The following ENDOV variants were observed in gnomAD, a reference collection of about 807,000 sequenced individuals.
The protein encoded by ENDOV is hEndoV.
Under a neutral mutation model 39.4 loss-of-function variants are expected in ENDOV, and 37 were observed. That is an observed-to-expected ratio of 0.94 (90% CI 0.72 to 1.23). The LOEUF is 1.23. ENDOV is among the 50% of genes most tolerant of loss of function. The pLI is 0.00. For synonymous variants in ENDOV, 186 were observed against 163.4 expected (o/e 1.14, Z -1.05); for missense variants, 441 against 375.7 (o/e 1.17, Z -1.44).
intron 2 of ENDOV, chr17:80,419,665 C>T (rs1321771392): frequency 2.8e-6 from 2 of 702,784 alleles, no homozygotes; most frequent in East Asian, 5.4e-5. Context: ...AAACAGCTGC[C>T]TGCTCCTTGA....
chr17:80,426,511 T>C (rs1002622498), intron 7 of ENDOV, among the ~76,000 whole-genome samples: 19 of 151,408 alleles, frequency 1.3e-4, no homozygotes, highest in African/African-American at 4.6e-4. Context: ...ATTAGCCAAG[T>C]GTGGTGGTGC....
At chr17:80,417,927 C>G (rs1156433456) in intron 2 of ENDOV, 1 of 152,242 alleles carries the variant, frequency 6.6e-6, no homozygotes, top group Non-Finnish European at 1.5e-5. Context: ...TCGCATTGCT[C>G]CTCTGCTGAC....
chr17:80,432,925 A>C (rs2145142898), intron 9 of ENDOV, among the ~76,000 whole-genome samples: 1 of 152,124 alleles, frequency 6.6e-6, no homozygotes, highest in East Asian at 1.9e-4. Context: ...TCCTGAGTCA[A>C]AGGGCTCCAC....
At position 80,415,185 on chromosome 17, in the gene ENDOV, G is replaced by A. The variant is rs2080905361; in HGVS notation, c.-10G>A. ...AAGTGACGTGCGGAAGGGGTGCCCG[G>A]GACGAAGCCATGGCCCTGGAGGCGG... On this transcript the variant is annotated 5_prime_UTR_variant, in exon 1 of 10. Coordinates refer to ENST00000518137, the MANE Select transcript of ENDOV (RefSeq NM_173627.5). 2 of 1,612,850 alleles carry A rather than the reference G, an allele frequency of 1.2e-6. No individual in the cohort carries two copies. The highest frequency in any genetic ancestry group is 1.1e-5 in the South Asian group (1 of 90,920).
At chr17:80,429,221 C>T (rs748977579) in intron 8 of ENDOV, among the ~76,000 whole-genome samples, 15 of 152,196 alleles carry the variant, frequency 9.9e-5, no homozygotes, top group Admixed American at 2.6e-4. Context: ...CTGCTAGCAA[C>T]CTTGATGTGA....
intron 8 of ENDOV, among the ~76,000 whole-genome samples, chr17:80,428,883 C>G (rs2083060495): frequency 1.3e-5 from 2 of 152,216 alleles, no homozygotes; most frequent in Admixed American, 6.5e-5. Context: ...ACCACTGCCT[C>G]CACGCAAAGC....
intron 2 of ENDOV, among the ~76,000 whole-genome samples, chr17:80,421,218 CCTT>C (rs1314722831): frequency 1.1e-4 from 14 of 132,856 alleles, no homozygotes; most frequent in African/African-American, 2.7e-4. Flanking sequence ...TCCAGGGAAT[CCTT>C]CTACAGTCTA....
intron 6 of ENDOV, 84 bp downstream of exon 6, chr17:80,425,184 G>A (rs1465456494): frequency 4.1e-6 from 5 of 1,210,680 alleles, no homozygotes; most frequent in Middle Eastern, 2.3e-4. Context: ...GCAGACACGC[G>A]TGCACTCACA....
intron 9 of ENDOV, among the ~76,000 whole-genome samples, chr17:80,435,693 C>G (rs2083552382): frequency 6.6e-6 from 1 of 152,106 alleles, no homozygotes; most frequent in Admixed American, 6.5e-5. Context: ...CGGCTCACTG[C>G]AAGCTCCGCC....
Position 80,423,607 on chromosome 17 carries a change from A to G in ENDOV, c.491A>G (p.Glu164Gly). ...AKKLLQVDGL[E>G]NNALHKEKIR... is the part of the protein sequence containing the mutation. ...AAACTTCTGCAGGTGGATGGGCTGG[A>G]GAACAACGCCCTGCACAAGGAGAAG... is the stretch of plus-strand genomic sequence containing the variant. The change falls in exon 5 of 10, where the codon GAG (glutamate) becomes GGG (glycine). Residue 164 changes from glutamate (E) to glycine (G), a missense_variant. Glu to Gly is a moderately conservative substitution (Grantham distance 98). Transcript: ENST00000518137. The G allele has an allele frequency of 6.4e-7, 1 of 1,553,702 alleles. No individual in the cohort carries two copies. Among genetic ancestry groups the G allele is most frequent in the African/African-American group, 1.4e-5 (1 of 73,266 alleles).
chr17:80,421,637 C>T (rs376088831), intron 2 of ENDOV, among the ~76,000 whole-genome samples, 191 bp from the exon 3 acceptor site: 1 of 152,244 alleles, frequency 6.6e-6, no homozygotes, highest in East Asian at 1.9e-4. Context: ...ACCTGCCCAC[C>T]ACCAATTTGC....
At chr17:80,430,259 G>A (rs2083244602) in intron 9 of ENDOV, 2 of 1,478,056 alleles carry the variant, frequency 1.4e-6, no homozygotes, top group Non-Finnish European at 1.8e-6. Context: ...CGACGAAGGG[G>A]ACTCGGAGCT....
chr17:80,424,990 A>G, intron 5 of ENDOV, 42 bp from the exon 6 acceptor site: 4 of 1,550,242 alleles, frequency 2.6e-6, no homozygotes, highest in Non-Finnish European at 2.7e-6. Flanking sequence ...CTTCACCAAG[A>G]AGAGAGGGGT....
intron 3 of ENDOV, 92 bp downstream of exon 3, chr17:80,422,054 GGAGA>G: frequency 1.3e-6 from 2 of 1,564,950 alleles, no homozygotes; most frequent in African/African-American, 1.3e-5. Context: ...ACAGTGGCAG[GGAGA>G]GACTCATGAG....
rs1423150047 is a variant in ENDOV, at chr17:80,436,313, C to G, written c.*170C>G. ...CACACGTCCTCGTCTCGTTCCTGAT[C>G]GAACGTGGTGGTGAGAGCACACGTC... On this transcript the variant is annotated 3_prime_UTR_variant, in exon 10 of 10. Transcript: ENST00000518137. The G allele has an allele frequency of 8.4e-6, 13 of 1,550,980 alleles. No homozygotes were observed. Among genetic ancestry groups the G allele is most frequent in the Non-Finnish European group, 1.0e-5 (12 of 1,150,984 alleles).
intron 2 of ENDOV, chr17:80,416,065 C>A: frequency 2.5e-6 from 1 of 400,796 alleles, no homozygotes; most frequent in Non-Finnish European, 4.5e-6. Context: ...TGGAGAAACC[C>A]GGTCTCTACT....
intron 7 of ENDOV, chr17:80,427,323 G>C (rs2082823174): frequency 1.5e-6 from 1 of 655,522 alleles, no homozygotes; most frequent in South Asian, 6.8e-5. Context: ...TCGTGCTGCT[G>C]CTGCAGACAG....
At chr17:80,428,423 C>G in intron 7 of ENDOV, 173 bp from the exon 8 acceptor site, 1 of 645,854 alleles carries the variant, frequency 1.5e-6, no homozygotes, top group Non-Finnish European at 2.7e-6. Context: ...CCCAGGCATG[C>G]CTGTCCCACA....
At chr17:80,415,483 C>G (rs1599262998) in intron 1 of ENDOV, 167 bp from the exon 2 acceptor site, 1 of 1,081,364 alleles carries the variant, frequency 9.2e-7, no homozygotes, top group Non-Finnish European at 1.3e-6. Flanking sequence ...GCGCGGGTCT[C>G]CGCCGCCTGG....
Sources: gnomAD v4.1 joint callset for allele counts (sites outside exome capture counted in the v4.1 genomes callset) on GRCh38, gnomAD v4.1.1 for gene constraint, MANE v1.5 for transcripts, NCBI Gene and HGNC (gene_info 2026-07-23, HGNC 2026-07-21) for gene names.